The following SORCS1 variants were observed in gnomAD, a reference collection of about 807,000 sequenced individuals.
SORCS1 encodes the protein VPS10 domain-containing receptor SorCS1.
A neutral mutation model predicts 146.1 loss-of-function variants in SORCS1; 60 were observed. The ratio of observed to expected loss-of-function variants is 0.41; its 90% CI spans 0.33 to 0.51. The LOEUF is 0.51. Among genes scored for constraint, SORCS1 ranks in the 20% least tolerant of loss-of-function variants. The pLI is 0.21. For synonymous variants in SORCS1, 637 were observed against 584.0 expected (o/e 1.09, Z -1.31); for missense variants, 1,352 against 1,487.6 (o/e 0.91, Z 1.50).
intron 2 of SORCS1, among the ~76,000 whole-genome samples, chr10:106,935,361 A>T (rs1198751777): frequency 6.6e-6 from 1 of 152,214 alleles, no homozygotes; most frequent in Non-Finnish European, 1.5e-5. Flanking sequence ...CTTGGTGGAG[A>T]TAATATTCTA....
chr10:106,842,053 GA>G (rs1949068416), intron 2 of SORCS1, among the ~76,000 whole-genome samples: 1 of 152,094 alleles, frequency 6.6e-6, no homozygotes, highest in South Asian at 2.1e-4. Context: ...CAGTGAATCA[GA>G]GTTCCTGTTG....
intron 1 of SORCS1, among the ~76,000 whole-genome samples, chr10:107,088,559 C>T (rs890444542): frequency 2.0e-5 from 3 of 152,136 alleles, no homozygotes; most frequent in Non-Finnish European, 4.4e-5. Context: ...AACGATGTAA[C>T]AAAGTAGGCA....
chr10:106,712,183 C>T (rs1468765494), intron 6 of SORCS1, among the ~76,000 whole-genome samples: 3 of 152,154 alleles, frequency 2.0e-5, no homozygotes, highest in African/African-American at 7.2e-5. Context: ...TCAAATCTAT[C>T]TCCCTGGCAA....
Position 106,623,113 on chromosome 10 carries a change from C to T in SORCS1, c.2663-2552G>A, listed in dbSNP as rs199669448. Among the ~76,000 whole-genome samples, 56 of 152,264 alleles carry T rather than the reference C, an allele frequency of 3.7e-4. No individual in the cohort carries two copies. The East Asian group carries it at 6.9e-3, about 19-fold the overall frequency. The stretch of plus-strand genomic sequence containing the variant: ...TCAAATCTCAGTTCCAGCATCCCCT[C>T]CTCTGTGACATTCTTCCTGAGTCCC... On this transcript the variant is annotated intron_variant, in intron 19 of 25. Transcript: ENST00000263054.
At chr10:106,744,783 AGAGTGT>A (rs781033901) in intron 5 of SORCS1, among the ~76,000 whole-genome samples, 8 of 152,244 alleles carry the variant, frequency 5.3e-5, no homozygotes, top group South Asian at 2.1e-4. Flanking sequence ...AAGGTAAAAC[AGAGTGT>A]GAGTGTGAGT....
At chr10:106,804,950 G>A (rs1417776389) in intron 3 of SORCS1, among the ~76,000 whole-genome samples, 1 of 152,112 alleles carries the variant, frequency 6.6e-6, no homozygotes, top group African/African-American at 2.4e-5. Context: ...TTTTCAGAAT[G>A]ACCATTCACT....
In SORCS1 at chr10:106,709,371, G is replaced by A. The variant is rs11818190; in HGVS notation, c.1025-30C>T. On this transcript the variant is annotated intron_variant, in intron 6 of 25. Transcript: ENST00000263054. Reference sequence around the variant, plus strand: ...AAAACAAAAACAAAAACAAAAACATGGGGTTGAGGGGGATATACAGACAGA... The same window carrying A: ...AAAACAAAAACAAAAACAAAAACATAGGGTTGAGGGGGATATACAGACAGA... The A allele has an allele frequency of 3.6e-3, 4,860 of 1,365,444 alleles. 127 individuals carry two copies. In the African/African-American group the frequency reaches 0.06, roughly 17 times the overall value. 84.6% of individuals were successfully genotyped at this position (1,365,444 alleles called of 1,614,324 possible).
chr10:107,124,559 A>G (rs1198397887), intron 1 of SORCS1, among the ~76,000 whole-genome samples: 1 of 152,120 alleles, frequency 6.6e-6, no homozygotes, highest in Non-Finnish European at 1.5e-5. Context: ...CGAACCATTA[A>G]TGGCATCAAT....
intron 2 of SORCS1, among the ~76,000 whole-genome samples, chr10:106,863,661 A>C (rs990484149): frequency 6.8e-6 from 1 of 148,082 alleles, no homozygotes; most frequent in African/African-American, 2.5e-5. Context: ...AGTGATTCCC[A>C]ACCAACTCAC....
chr10:106,931,145 C>CCCTT (rs998143569), intron 2 of SORCS1, among the ~76,000 whole-genome samples: 1 of 152,180 alleles, frequency 6.6e-6, no homozygotes, highest in African/African-American at 2.4e-5. Flanking sequence ...CCTTGCCCTA[C>CCCTT]CCTTCTTCTC....
intron 3 of SORCS1, among the ~76,000 whole-genome samples, chr10:106,799,428 T>A (rs547223697): frequency 2.0e-5 from 3 of 152,090 alleles, no homozygotes. Context: ...GAAACTACCA[T>A]CAGAGTGAAC....
chr10:106,971,079 C>T (rs1210999787), intron 1 of SORCS1, among the ~76,000 whole-genome samples: 1 of 151,966 alleles, frequency 6.6e-6, no homozygotes, highest in Admixed American at 6.6e-5. Context: ...AGCATCTTAT[C>T]TTGCTTTCCT....
chr10:106,725,402 C>T (rs951135208), intron 6 of SORCS1, among the ~76,000 whole-genome samples: 2 of 150,858 alleles, frequency 1.3e-5, no homozygotes, highest in Admixed American at 6.6e-5. Context: ...ATGCAAAAAA[C>T]CAGCTGGGTG....
chr10:106,825,116 T>G (rs1948235256), intron 3 of SORCS1, among the ~76,000 whole-genome samples: 1 of 152,116 alleles, frequency 6.6e-6, no homozygotes, highest in Non-Finnish European at 1.5e-5. Flanking sequence ...CTTGAAGATG[T>G]TACACGATCC....
At chr10:106,830,112 A>G (rs1419353450) in intron 2 of SORCS1, among the ~76,000 whole-genome samples, 1 of 152,242 alleles carries the variant, frequency 6.6e-6, no homozygotes, top group Non-Finnish European at 1.5e-5. Context: ...ATGGTGGGTC[A>G]GTCCCTTCAA....
At chr10:106,596,308 C>A (rs767135014) in intron 24 of SORCS1, among the ~76,000 whole-genome samples, 1 of 152,212 alleles carries the variant, frequency 6.6e-6, no homozygotes, top group Non-Finnish European at 1.5e-5. Context: ...AAGATGAAGA[C>A]CACTTTGCAC....
intron 1 of SORCS1, among the ~76,000 whole-genome samples, chr10:107,148,298 T>G (rs893759268): frequency 6.6e-5 from 10 of 152,184 alleles, no homozygotes; most frequent in Non-Finnish European, 1.0e-4. Flanking sequence ...AGTAAATATT[T>G]TAGGTTTGTG....
intron 1 of SORCS1, among the ~76,000 whole-genome samples, chr10:106,989,417 C>T (rs1164612983): frequency 6.6e-6 from 1 of 151,916 alleles, no homozygotes; most frequent in Non-Finnish European, 1.5e-5. Flanking sequence ...TTAACTCTCA[C>T]TCCTTTTCTC....
At chr10:106,863,276 C>A (rs952139378) in intron 2 of SORCS1, among the ~76,000 whole-genome samples, 1 of 151,836 alleles carries the variant, frequency 6.6e-6, no homozygotes, top group Non-Finnish European at 1.5e-5. Context: ...ATAATCCCAG[C>A]ACTTTGGGAT....
Sources: allele counts gnomAD v4.1 joint callset (sites outside exome capture counted in the v4.1 genomes callset), GRCh38; gene constraint gnomAD v4.1.1; transcripts MANE v1.5; gene names NCBI Gene and HGNC (gene_info 2026-07-23, HGNC 2026-07-21).